The following ATAD2B variants were observed in gnomAD, a reference collection of about 807,000 sequenced individuals.
ATAD2B encodes ATPase family AAA domain containing 2B.
A neutral mutation model predicts 167.6 loss-of-function variants in ATAD2B; 40 were observed. The ratio of observed to expected loss-of-function variants is 0.24; its 90% confidence interval spans 0.19 to 0.31. ATAD2B has a LOEUF of 0.31. ATAD2B is among the 10% of genes least tolerant of loss of function. The pLI is 1.00. For synonymous variants in ATAD2B, 579 were observed against 596.5 expected (o/e 0.97, Z 0.43); for missense variants, 1,242 against 1,757.2 (o/e 0.71, Z 5.24).
chr2:23,830,811 G>C (rs12618938), intron 14 of ATAD2B, among the ~76,000 whole-genome samples: 142,107 of 151,958 alleles, frequency 0.94, 66,535 homozygotes, highest in East Asian at 0.99. Flanking sequence ...AGCACAGGCA[G>C]TGTGCTGCTA....
At chr2:23,899,253 C>A (rs1239675556) in intron 1 of ATAD2B, among the ~76,000 whole-genome samples, 1 of 139,608 alleles carries the variant, frequency 7.2e-6, no homozygotes, top group Non-Finnish European at 1.5e-5. Context: ...GTCAAGCCTG[C>A]AGTGAGCTGT....
intron 1 of ATAD2B, among the ~76,000 whole-genome samples, chr2:23,912,031 T>C (rs952780153): frequency 6.7e-6 from 1 of 149,832 alleles, no homozygotes; most frequent in Non-Finnish European, 1.5e-5. Context: ...TGAATATCTA[T>C]AATCCTACAC....
chr2:23,839,130 T>C (rs777846724), intron 13 of ATAD2B, among the ~76,000 whole-genome samples: 1 of 152,178 alleles, frequency 6.6e-6, no homozygotes, highest in Non-Finnish European at 1.5e-5. Context: ...CTAACCTTCT[T>C]AGCATCTATC....
At chr2:23,866,320 G>A (rs1334168238) in intron 10 of ATAD2B, among the ~76,000 whole-genome samples, 6 of 152,128 alleles carry the variant, frequency 3.9e-5, no homozygotes, top group South Asian at 2.1e-4. Context: ...CAGGAGAATC[G>A]CTTGAACCCG....
chr2:23,708,814 C>A, the ATAD2B span, among the ~76,000 whole-genome samples: 8 of 152,174 alleles, frequency 5.3e-5, no homozygotes, highest in Non-Finnish European at 1.0e-4. Flanking sequence ...AAGGGACTTG[C>A]AAACACGCTG....
At chr2:23,720,956 C>T in the ATAD2B span, among the ~76,000 whole-genome samples, 8 of 151,046 alleles carry the variant, frequency 5.3e-5, no homozygotes, top group South Asian at 8.4e-4. Context: ...AGCCACTGCA[C>T]CTCTCCAGCA....
intron 22 of ATAD2B, among the ~76,000 whole-genome samples, chr2:23,781,522 G>A (rs1275362861): frequency 3.3e-5 from 5 of 151,930 alleles, no homozygotes; most frequent in Admixed American, 3.3e-4. Context: ...AAAATTAGCT[G>A]GACGTGGTGG....
At chr2:23,883,703 TAATAA>T (rs1425520237) in intron 6 of ATAD2B, 35 of 784,148 alleles carry the variant, frequency 4.5e-5, no homozygotes, top group Middle Eastern at 3.1e-4. Flanking sequence ...CAAAATTGAC[TAATAA>T]AATATTAACT....
At chr2:23,836,455 G>A (rs188635111) in intron 13 of ATAD2B, among the ~76,000 whole-genome samples, 223 of 152,316 alleles carry the variant, frequency 1.5e-3, no homozygotes, top group Admixed American at 3.5e-3. Context: ...CCACAAAATG[G>A]CAAGCAAGGG....
At chr2:23,899,303 CAAA>C (rs556774553) in intron 1 of ATAD2B, among the ~76,000 whole-genome samples, 1 of 67,378 alleles carries the variant, frequency 1.5e-5, no homozygotes, top group Non-Finnish European at 2.8e-5. Flanking sequence ...GACCCCATCT[CAAA>C]AAAAAAAAAA....
Position 23,819,860 on chromosome 2 carries a change from C to A in ATAD2B, c.2154G>T (p.Glu718Asp), listed in dbSNP as rs1687190379. The part of the protein sequence containing the change: ...KKEDIETLIL[E>D]DSEDENALSI... ...ATAAAGCATTTTCATCTTCACTATC[C>A]TCTAAAATTAAAGTTTCTATATCTG... Residue 718 changes from glutamate (E) to aspartate (D), a missense_variant, in exon 17 of 28, where the codon GAG becomes GAT. By Grantham distance (45) the Glu-to-Asp change is conservative. Transcript: ENST00000238789. 1.3e-6 allele frequency: 2 copies of A among 1,583,312 alleles called. No individual in the cohort carries two copies. The highest frequency in any genetic ancestry group is 4.5e-5 in the East Asian group (2 of 44,554).
intron 6 of ATAD2B, among the ~76,000 whole-genome samples, chr2:23,882,866 G>A (rs903839796): frequency 2.0e-5 from 3 of 151,038 alleles, no homozygotes; most frequent in South Asian, 2.1e-4. Context: ...GCATATGAAC[G>A]CCCAAATGCA....
rs1022228960 is a variant in ATAD2B at position 23,872,825 on chromosome 2, C to G, written c.977+3004G>C. 3.0e-6 allele frequency: 3 copies of G among 1,002,546 alleles called. No individual in the cohort carries two copies. In the African/African-American group the frequency reaches 4.7e-5, roughly 16 times the overall value. 62.1% of individuals were successfully genotyped at this position (1,002,546 alleles called of 1,614,324 possible). On this transcript the variant is annotated intron_variant, in intron 8 of 27. Transcript: ENST00000238789. ...CACTGTCCAGAGGGTCCAGATTGCTCTCTTCTGCACTGAGGTGAAGCAGAT... is the reference window on the plus strand; with the variant it reads ...CACTGTCCAGAGGGTCCAGATTGCTGTCTTCTGCACTGAGGTGAAGCAGAT...
At chr2:23,740,684 G>A in the ATAD2B span, among the ~76,000 whole-genome samples, 1 of 152,148 alleles carries the variant, frequency 6.6e-6, no homozygotes, top group Non-Finnish European at 1.5e-5. Context: ...TCAACATAGT[G>A]TTGGAAGTTC....
intron 24 of ATAD2B, 49 bp downstream of exon 24, chr2:23,762,160 T>A: frequency 6.3e-7 from 1 of 1,587,668 alleles, no homozygotes; most frequent in Non-Finnish European, 8.6e-7. Context: ...CATATCTACA[T>A]CATTCTCAGT....
At chr2:23,733,697 A>T in the ATAD2B span, among the ~76,000 whole-genome samples, 2 of 152,108 alleles carry the variant, frequency 1.3e-5, no homozygotes, top group African/African-American at 4.8e-5. Flanking sequence ...CCTAAGAGCA[A>T]TTCCAGGCCC....
intron 8 of ATAD2B, 66 bp downstream of exon 8, chr2:23,875,763 G>C: frequency 1.9e-6 from 2 of 1,068,168 alleles, no homozygotes; most frequent in Non-Finnish European, 2.8e-6. Flanking sequence ...ACTAATTAAA[G>C]AAAGAAAGAC....
chr2:23,835,711 G>A (rs1689824026), intron 13 of ATAD2B, among the ~76,000 whole-genome samples: 1 of 152,162 alleles, frequency 6.6e-6, no homozygotes, highest in Admixed American at 6.5e-5. Context: ...TGAGGTGGGT[G>A]GATCGTCTGA....
chr2:23,747,912 T>A (rs1400361336), downstream of ATAD2B, among the ~76,000 whole-genome samples: 1 of 152,102 alleles, frequency 6.6e-6, no homozygotes, highest in Non-Finnish European at 1.5e-5. Flanking sequence ...TAAAACTAGA[T>A]AAATAAAACT....
Sources: gnomAD v4.1 joint callset for allele counts (sites outside exome capture counted in the v4.1 genomes callset) on GRCh38, gnomAD v4.1.1 for gene constraint, MANE v1.5 for transcripts, NCBI Gene and HGNC (gene_info 2026-07-23, HGNC 2026-07-21) for gene names.